The following PP2D1 variants were observed in gnomAD, a reference collection of about 807,000 sequenced individuals.
PP2D1 encodes protein phosphatase 2C like domain containing 1.
In PP2D1, 25 loss-of-function variants were observed where a neutral mutation model predicts 30.2. The ratio of observed to expected loss-of-function variants is 0.83; its 90% CI spans 0.60 to 1.16. The LOEUF (loss-of-function observed/expected upper bound fraction) is 1.16. Among genes scored for constraint, PP2D1 ranks in the 50% most tolerant of loss-of-function variants. The pLI, the probability that PP2D1 is intolerant of heterozygous loss-of-function variation, is 0.00. For synonymous variants in PP2D1, 260 were observed against 258.9 expected (o/e 1.00, Z -0.04); for missense variants, 760 against 742.4 (o/e 1.02, Z -0.28).
At chr3:19,985,341 T>G, downstream of PP2D1, 1 of 1,342,174 alleles carries the variant, frequency 7.5e-7, no homozygotes, top group Non-Finnish European at 1.0e-6. Context: ...AAGAATCACT[T>G]TATATTTTGG....
chr3:20,010,731 G>T (rs1484148604), intron 1 of PP2D1, among the ~76,000 whole-genome samples: 1 of 151,994 alleles, frequency 6.6e-6, no homozygotes, highest in East Asian at 1.9e-4. Flanking sequence ...TGAACCCAGG[G>T]GCGGAGGTTG....
intron 2 of PP2D1, among the ~76,000 whole-genome samples, chr3:19,993,566 T>C (rs1034353563): frequency 2.0e-5 from 3 of 151,958 alleles, no homozygotes; most frequent in African/African-American, 4.8e-5. Context: ...TGAAACCCCG[T>C]CTTTACATAA....
At chr3:19,985,189 T>C, downstream of PP2D1, 1 of 526,772 alleles carries the variant, frequency 1.9e-6, no homozygotes, top group Non-Finnish European at 3.3e-6. Flanking sequence ...TCGGCTTTTC[T>C]CTTTTCCTTT....
In PP2D1 at chr3:19,985,707, T is replaced by C; in HGVS notation, c.1566A>G (p.Glu522=). 6.5e-7 allele frequency: 1 copy of C among 1,535,906 alleles called. No homozygotes were observed. The highest frequency in any genetic ancestry group is 8.7e-7 in the Non-Finnish European group (1 of 1,146,670). Residue 522 remains glutamate, a synonymous_variant, in exon 3 of 3, where the codon GAA becomes GAG. Transcript: ENST00000389050. ...TGGAATTTGTAGTTGACACACGTACTTCAGATACAGATTTATACTGAAACA... is the reference window on the plus strand; with the variant it reads ...TGGAATTTGTAGTTGACACACGTACCTCAGATACAGATTTATACTGAAACA... The part of the protein sequence containing the change: ...HVLFQYKSVS[E]VRVSTTNSKE...
chr3:19,991,550 C>T (rs535971342), intron 2 of PP2D1, among the ~76,000 whole-genome samples: 76 of 152,196 alleles, frequency 5.0e-4, no homozygotes, highest in African/African-American at 1.7e-3. Context: ...ACAACGTTGC[C>T]AGGGGTAATA....
chr3:20,006,331 T>C (rs1041123552), intron 1 of PP2D1, among the ~76,000 whole-genome samples: 1 of 152,174 alleles, frequency 6.6e-6, no homozygotes, highest in Non-Finnish European at 1.5e-5. Flanking sequence ...TCTGATGTTT[T>C]CAGTAAATGC....
At chr3:19,991,167 AAAG>A (rs1387929043) in intron 2 of PP2D1, among the ~76,000 whole-genome samples, 1 of 152,218 alleles carries the variant, frequency 6.6e-6, no homozygotes, top group Non-Finnish European at 1.5e-5. Context: ...TGGGGATTAA[AAAG>A]AGCCGCTTGG....
At chr3:19,983,345 C>CAAAAAAAA, downstream of PP2D1, among the ~76,000 whole-genome samples, 1 of 92,120 alleles carries the variant, frequency 1.1e-5, no homozygotes. Flanking sequence ...GACTACATCT[C>CAAAAAAAA]AAAAAAAAAA....
At chr3:20,003,413 G>C (rs978919899) in intron 1 of PP2D1, among the ~76,000 whole-genome samples, 2 of 151,254 alleles carry the variant, frequency 1.3e-5, no homozygotes, top group Non-Finnish European at 2.9e-5. Flanking sequence ...AGGTTAAAAA[G>C]TTTTAAAATT....
At chr3:20,003,453 T>C (rs757061199) in intron 1 of PP2D1, among the ~76,000 whole-genome samples, 1 of 151,534 alleles carries the variant, frequency 6.6e-6, no homozygotes, top group Non-Finnish European at 1.5e-5. Context: ...TTAATAAAAA[T>C]AAAATTTAGC....
chr3:20,003,939 TAAA>T (rs1232299582), intron 1 of PP2D1, among the ~76,000 whole-genome samples: 1 of 152,100 alleles, frequency 6.6e-6, no homozygotes, highest in Non-Finnish European at 1.5e-5. Context: ...GTTTACAAAG[TAAA>T]AAGTTACTGT....
At chr3:19,980,263 A>T (rs567662077) in intron 3 of PP2D1, 10 of 152,328 alleles carry the variant, frequency 6.6e-5, no homozygotes, top group African/African-American at 2.4e-4. Context: ...ACTCTACCAG[A>T]TGGGCTTTAG....
At chr3:19,990,113 T>C (rs1039485183) in intron 2 of PP2D1, among the ~76,000 whole-genome samples, 1 of 152,158 alleles carries the variant, frequency 6.6e-6, no homozygotes, top group Non-Finnish European at 1.5e-5. Context: ...GAAAGGACAT[T>C]AAATCCTGGT....
downstream of PP2D1, chr3:19,983,593 G>GT: frequency 1.4e-6 from 1 of 713,784 alleles, no homozygotes; most frequent in Non-Finnish European, 2.5e-6. Flanking sequence ...TGAACATATG[G>GT]TTATATGATA....
intron 2 of PP2D1, among the ~76,000 whole-genome samples, chr3:19,994,193 C>G (rs1697150685): frequency 6.6e-6 from 1 of 152,116 alleles, no homozygotes; most frequent in Non-Finnish European, 1.5e-5. Flanking sequence ...AAACCTATGC[C>G]TGTTGCCACC....
At chr3:19,998,096 G>C (rs899785795) in intron 2 of PP2D1, among the ~76,000 whole-genome samples, 1 of 152,162 alleles carries the variant, frequency 6.6e-6, no homozygotes, top group Non-Finnish European at 1.5e-5. Flanking sequence ...TTGGGAGGCA[G>C]AGGAGGGTGG....
intron 2 of PP2D1, among the ~76,000 whole-genome samples, chr3:19,999,081 CT>C (rs63201460): frequency 4.1e-4 from 55 of 135,164 alleles, no homozygotes; most frequent in South Asian, 6.9e-4. Context: ...TGTGTCTAGA[CT>C]TTTTTTTTTT....
chr3:19,993,720 A>G (rs1428402159), intron 2 of PP2D1, among the ~76,000 whole-genome samples: 1 of 152,116 alleles, frequency 6.6e-6, no homozygotes, highest in Non-Finnish European at 1.5e-5. Context: ...AGTGTGGATA[A>G]CAGAGCAAGA....
intron 2 of PP2D1, among the ~76,000 whole-genome samples, chr3:19,999,165 C>T (rs1056675147): frequency 5.8e-4 from 84 of 146,008 alleles, no homozygotes; most frequent in African/African-American, 1.8e-3. Context: ...CTGCAACCTC[C>T]GCCTCCTGGG....
Sources: gnomAD v4.1 joint callset for allele counts (sites outside exome capture counted in the v4.1 genomes callset) on GRCh38, gnomAD v4.1.1 for gene constraint, MANE v1.5 for transcripts, NCBI Gene and HGNC (gene_info 2026-07-23, HGNC 2026-07-21) for gene names.